FCHO2: variants seen among roughly 807,000 people sequenced by gnomAD.
FCHO2 encodes the protein FCH and mu domain containing endocytic adaptor 2, also known as F-BAR domain only protein 2.
Under a neutral mutation model 114.1 loss-of-function variants are expected in FCHO2, and 43 were observed. That is an observed-to-expected ratio of 0.38 (90% CI 0.30 to 0.49). The LOEUF (loss-of-function observed/expected upper bound fraction) is 0.49. Ranked by LOEUF, FCHO2 falls within the 20% of genes least tolerant of loss-of-function variation. FCHO2 has a pLI of 0.97. For missense variants in FCHO2, 807 were observed against 950.4 expected (o/e 0.85, Z 1.98); for synonymous variants, 293 against 315.2 (o/e 0.93, Z 0.75).
chr5:72,964,788 G>A (rs1023285428), intron 1 of FCHO2, among the ~76,000 whole-genome samples: 8 of 152,072 alleles, frequency 5.3e-5, no homozygotes, highest in Admixed American at 1.3e-4. Flanking sequence ...GTCAATGTAC[G>A]GTTGTCTCCC....
intron 5 of FCHO2, chr5:72,997,131 A>G (rs1754161979): frequency 8.9e-7 from 1 of 1,128,986 alleles, no homozygotes; most frequent in South Asian, 1.2e-5. Flanking sequence ...ATACTTATTC[A>G]CTCCCACCAT....
In FCHO2 at chr5:72,956,070, C is replaced by A; in HGVS notation, c.-27C>A. 6.5e-7 allele frequency: 1 copy of A among 1,538,746 alleles called. No homozygotes were observed. ...TTACACAGCGGCGGGCGGGCGCGGA[C>A]GCGGAACCCGGCGCGGCGGCGGCAC... On this transcript the variant is annotated 5_prime_UTR_variant, in exon 1 of 26. Transcript: ENST00000430046.
rs753951628 is a variant in FCHO2 at position 73,056,100 on chromosome 5, C to T, written c.1246C>T (p.Pro416Ser). The T allele has an allele frequency of 7.2e-6, 11 of 1,528,638 alleles. No individual in the cohort carries two copies. The South Asian group carries it at 1.0e-4, about 14-fold the overall frequency. The allele number at this position is 1,528,638 out of a possible 1,614,324, so 94.7% of individuals were successfully genotyped here. A position where few individuals can be genotyped will look rare whatever the true frequency, so the allele number is the denominator to read the frequency against. ...ELTKSKPSAPPNEKGTSDLLA... is the reference protein window; with the variant it reads ...ELTKSKPSAPSNEKGTSDLLA... ...AACAAAATCAAAGCCATCTGCTCCA[C>T]CCAATGAGTAAGTTTCCATGTTTAA... Residue 416 changes from proline (P) to serine (S), a missense_variant, in exon 16 of 26, where the codon CCC becomes TCC. Transcript: ENST00000430046.
intron 3 of FCHO2, among the ~76,000 whole-genome samples, chr5:72,990,243 T>C (rs1362396814): frequency 6.6e-6 from 1 of 152,094 alleles, no homozygotes. Flanking sequence ...TTAAGACTTG[T>C]GATAATGTAA....
At chr5:73,009,294 T>C (rs1561444247) in intron 6 of FCHO2, among the ~76,000 whole-genome samples, 1 of 152,234 alleles carries the variant, frequency 6.6e-6, no homozygotes, top group Non-Finnish European at 1.5e-5. Context: ...GAGTTATTGT[T>C]GATATGTTAA....
At chr5:73,028,739 C>A (rs545002567) in intron 8 of FCHO2, among the ~76,000 whole-genome samples, 1 of 150,822 alleles carries the variant, frequency 6.6e-6, no homozygotes, top group South Asian at 2.1e-4. Context: ...CAACCTCCAC[C>A]TCCCAGGTTC....
intron 10 of FCHO2, among the ~76,000 whole-genome samples, chr5:73,039,412 A>G (rs1292757695): frequency 2.0e-5 from 3 of 152,184 alleles, no homozygotes; most frequent in Non-Finnish European, 4.4e-5. Flanking sequence ...ACTTCCTTTT[A>G]TGTTCAAACT....
intron 11 of FCHO2, among the ~76,000 whole-genome samples, chr5:73,046,357 G>A (rs889950362): frequency 3.9e-5 from 6 of 152,230 alleles, no homozygotes; most frequent in South Asian, 2.1e-4. Flanking sequence ...CTGAGCCACC[G>A]TGCCTGGCCT....
intron 2 of FCHO2, among the ~76,000 whole-genome samples, chr5:72,974,789 T>C (rs1471094302): frequency 6.6e-6 from 1 of 152,198 alleles, no homozygotes; most frequent in Non-Finnish European, 1.5e-5. Context: ...ATGCAGTTTC[T>C]TCCTAGTCTT....
At chr5:73,084,066 A>G (rs1362328700) in intron 24 of FCHO2, among the ~76,000 whole-genome samples, 1 of 152,114 alleles carries the variant, frequency 6.6e-6, no homozygotes, top group East Asian at 1.9e-4. Context: ...TTGTGTTCAT[A>G]ATGCCAAGGA....
intron 5 of FCHO2, among the ~76,000 whole-genome samples, chr5:72,993,585 T>C (rs991574003): frequency 6.6e-6 from 1 of 152,178 alleles, no homozygotes; most frequent in African/African-American, 2.4e-5. Flanking sequence ...TTTCCTCATA[T>C]GAAATCAGAA....
intron 5 of FCHO2, among the ~76,000 whole-genome samples, chr5:73,001,486 T>G (rs1399129826): frequency 6.7e-6 from 1 of 149,892 alleles, no homozygotes; most frequent in East Asian, 1.9e-4. Flanking sequence ...TGAAAAGAAA[T>G]TTCTTTATTA....
At chr5:73,072,986 C>T (rs1031833862) in intron 19 of FCHO2, among the ~76,000 whole-genome samples, 1 of 152,002 alleles carries the variant, frequency 6.6e-6, no homozygotes, top group African/African-American at 2.4e-5. Flanking sequence ...TTTCTGATGA[C>T]CCTCTTGTTT....
At chr5:73,083,340 G>A (rs1228142296) in intron 24 of FCHO2, among the ~76,000 whole-genome samples, 1 of 152,086 alleles carries the variant, frequency 6.6e-6, no homozygotes, top group African/African-American at 2.4e-5. Flanking sequence ...GAACACATTT[G>A]TTCATCTAGA....
intron 5 of FCHO2, among the ~76,000 whole-genome samples, chr5:72,996,756 G>A (rs563027035): frequency 7.9e-5 from 12 of 152,306 alleles, no homozygotes; most frequent in Non-Finnish European, 1.2e-4. Flanking sequence ...AACCTCGCCA[G>A]GGGTGACTTT....
intron 5 of FCHO2, among the ~76,000 whole-genome samples, chr5:73,002,035 A>G (rs1754472308): frequency 1.3e-5 from 2 of 152,210 alleles, no homozygotes; most frequent in Admixed American, 1.3e-4. Flanking sequence ...TACGCTTCAT[A>G]AAACTTCTTT....
intron 18 of FCHO2, among the ~76,000 whole-genome samples, chr5:73,066,142 A>C (rs1742311045): frequency 6.6e-6 from 1 of 151,998 alleles, no homozygotes; most frequent in South Asian, 2.1e-4. Context: ...GTAAGTATTA[A>C]TATATTAAAA....
intron 8 of FCHO2, among the ~76,000 whole-genome samples, chr5:73,032,866 A>G (rs1301319671): frequency 6.6e-6 from 1 of 152,178 alleles, no homozygotes; most frequent in East Asian, 1.9e-4. Flanking sequence ...TCAACAGACG[A>G]TTATATTTTC....
At chr5:72,968,445 C>T in intron 1 of FCHO2, 53 bp from the exon 2 acceptor site, 4 of 1,267,908 alleles carry the variant, frequency 3.2e-6, no homozygotes, top group Non-Finnish European at 4.3e-6. Flanking sequence ...TTTATATTCT[C>T]AAGTCATTTT....
Sources: allele counts gnomAD v4.1 joint callset (sites outside exome capture counted in the v4.1 genomes callset), GRCh38; gene constraint gnomAD v4.1.1; transcripts MANE v1.5; gene names NCBI Gene and HGNC (gene_info 2026-07-23, HGNC 2026-07-21).